The following CPQ variants were observed in gnomAD, a reference collection of about 807,000 sequenced individuals.
CPQ encodes carboxypeptidase Q.
In CPQ, 37 loss-of-function variants were observed where a neutral mutation model predicts 45.7. The observed-to-expected ratio is 0.81, with a 90% CI of 0.62 to 1.07. The LOEUF (loss-of-function observed/expected upper bound fraction) is 1.07, where lower values mean the gene tolerates loss of function less well. Among genes scored for constraint, CPQ ranks in the 50% least tolerant of loss-of-function variants. CPQ has a pLI of 0.00. For missense variants in CPQ, 537 were observed against 572.9 expected (o/e 0.94, Z 0.64); for synonymous variants, 186 against 205.8 (o/e 0.90, Z 0.82).
chr8:96,935,362 T>G (rs1000832205), intron 4 of CPQ, among the ~76,000 whole-genome samples: 1 of 152,198 alleles, frequency 6.6e-6, no homozygotes, highest in Admixed American at 6.5e-5. Context: ...GACATGTGCC[T>G]ACTTTCATTG....
At chr8:96,826,400 G>T (rs1423958948) in intron 2 of CPQ, among the ~76,000 whole-genome samples, 1 of 151,924 alleles carries the variant, frequency 6.6e-6, no homozygotes, top group Non-Finnish European at 1.5e-5. Flanking sequence ...TTTTCACTCA[G>T]TAATGCTATG....
chr8:97,008,508 C>T (rs957781192), intron 5 of CPQ, among the ~76,000 whole-genome samples: 20 of 152,070 alleles, frequency 1.3e-4, no homozygotes, highest in South Asian at 4.1e-4. Context: ...TTATTGGAGC[C>T]TTGTGTTGTT....
intron 7 of CPQ, among the ~76,000 whole-genome samples, chr8:97,115,661 T>C (rs918809773): frequency 2.0e-5 from 3 of 152,228 alleles, no homozygotes; most frequent in Non-Finnish European, 1.5e-5. Flanking sequence ...GGCATGGCTG[T>C]ATGTACCTGA....
chr8:97,112,484 A>C (rs1407161947), intron 7 of CPQ, among the ~76,000 whole-genome samples: 1 of 152,190 alleles, frequency 6.6e-6, no homozygotes, highest in Non-Finnish European at 1.5e-5. Flanking sequence ...GCACCCAGCA[A>C]CTGAGAGCAT....
chr8:96,916,269 T>G (rs1812731487), intron 4 of CPQ, among the ~76,000 whole-genome samples: 1 of 152,176 alleles, frequency 6.6e-6, no homozygotes, highest in Admixed American at 6.5e-5. Context: ...TTATGTGTCA[T>G]GATGATCTGA....
intron 2 of CPQ, among the ~76,000 whole-genome samples, chr8:96,786,751 A>G (rs998954379): frequency 2.0e-5 from 3 of 151,954 alleles, no homozygotes; most frequent in Non-Finnish European, 4.4e-5. Flanking sequence ...TGTGGTTTTG[A>G]TTTGCATTTC....
intron 1 of CPQ, among the ~76,000 whole-genome samples, chr8:96,730,923 C>T (rs1225458739): frequency 9.9e-6 from 1 of 101,378 alleles, no homozygotes; most frequent in Non-Finnish European, 2.1e-5. Flanking sequence ...ACATTTAACA[C>T]CTCCCCCCAC....
intron 1 of CPQ, among the ~76,000 whole-genome samples, chr8:96,743,460 C>T (rs1161603173): frequency 6.6e-6 from 1 of 152,150 alleles, no homozygotes; most frequent in African/African-American, 2.4e-5. Flanking sequence ...TCATCTGAAG[C>T]CTTCTTCTCT....
At chr8:96,787,946 C>T (rs919854375) in intron 2 of CPQ, among the ~76,000 whole-genome samples, 2 of 145,120 alleles carry the variant, frequency 1.4e-5, no homozygotes, top group Non-Finnish European at 3.1e-5. Flanking sequence ...TTAGATTTTT[C>T]TAGCAACAAA....
intron 7 of CPQ, among the ~76,000 whole-genome samples, chr8:97,069,641 C>T (rs1257953970): frequency 6.6e-6 from 1 of 152,032 alleles, no homozygotes; most frequent in Non-Finnish European, 1.5e-5. Context: ...GGGTAGGATT[C>T]TAAATACTAA....
chr8:96,703,575 C>A (rs967002691), intron 1 of CPQ, among the ~76,000 whole-genome samples: 5 of 152,094 alleles, frequency 3.3e-5, no homozygotes, highest in Admixed American at 2.6e-4. Flanking sequence ...ACCTATGAGG[C>A]AAGCAAGTTG....
At chr8:97,024,642 G>T (rs542506451) in intron 5 of CPQ, among the ~76,000 whole-genome samples, 3 of 152,142 alleles carry the variant, frequency 2.0e-5, no homozygotes, top group African/African-American at 4.8e-5. Flanking sequence ...GACAGATTAT[G>T]TAATTTGCCC....
chr8:96,891,578 G>A (rs1812377767), intron 4 of CPQ, among the ~76,000 whole-genome samples: 1 of 152,152 alleles, frequency 6.6e-6, no homozygotes, highest in African/African-American at 2.4e-5. Flanking sequence ...TCCATAGAAT[G>A]AGTTATCCTG....
chr8:96,805,099 G>GT (rs1479056648), intron 2 of CPQ, among the ~76,000 whole-genome samples: 1 of 152,162 alleles, frequency 6.6e-6, no homozygotes, highest in African/African-American at 2.4e-5. Flanking sequence ...GAAAGTGTAA[G>GT]TTTCCTGCAG....
chr8:97,008,664 G>T (rs1462674963), intron 5 of CPQ, among the ~76,000 whole-genome samples: 3 of 152,072 alleles, frequency 2.0e-5, no homozygotes, highest in Non-Finnish European at 4.4e-5. Flanking sequence ...TTTAAGTCCT[G>T]TTTCTGCCCA....
chr8:96,872,975 G>A (rs760351092), intron 3 of CPQ, among the ~76,000 whole-genome samples: 2 of 151,722 alleles, frequency 1.3e-5, no homozygotes, highest in Non-Finnish European at 3.0e-5. Context: ...AGTCCTTCCT[G>A]TATGGTGTGG....
intron 1 of CPQ, among the ~76,000 whole-genome samples, chr8:96,722,597 A>C (rs1365594529): frequency 1.3e-5 from 2 of 152,240 alleles, no homozygotes; most frequent in Non-Finnish European, 2.9e-5. Context: ...ATTTAAATGA[A>C]GAAGCATAGG....
intron 7 of CPQ, among the ~76,000 whole-genome samples, chr8:97,097,283 C>T (rs542489006): frequency 7.2e-4 from 109 of 152,150 alleles, no homozygotes; most frequent in Non-Finnish European, 1.2e-3. Flanking sequence ...TGGCCAACTC[C>T]GTGACATTGC....
chr8:96,856,646 C>T (rs1038825076), intron 3 of CPQ, among the ~76,000 whole-genome samples: 4 of 152,034 alleles, frequency 2.6e-5, no homozygotes, highest in Admixed American at 6.5e-5. Flanking sequence ...CAGGCCTGTA[C>T]TAAGGCTGAG....
Sources: allele counts gnomAD v4.1 joint callset (sites outside exome capture counted in the v4.1 genomes callset), GRCh38; gene constraint gnomAD v4.1.1; transcripts MANE v1.5; gene names NCBI Gene and HGNC (gene_info 2026-07-23, HGNC 2026-07-21).